Variants in CADPS observed in about 807,000 individuals in gnomAD.
CADPS encodes the protein calcium dependent secretion activator.
CADPS carries 57 observed loss-of-function variants against 167.3 expected under a neutral mutation model. That is an observed-to-expected ratio of 0.34 (90% CI 0.28 to 0.42). The LOEUF is 0.42. Among genes scored for constraint, CADPS ranks in the 20% least tolerant of loss-of-function variants. The pLI is 1.00. For synonymous variants in CADPS, 676 were observed against 635.3 expected (o/e 1.06, Z -0.96); for missense variants, 1,414 against 1,738.1 (o/e 0.81, Z 3.32).
intron 3 of CADPS, among the ~76,000 whole-genome samples, chr3:62,696,439 G>A (rs184513935): frequency 1.7e-4 from 26 of 152,034 alleles, no homozygotes; most frequent in Non-Finnish European, 7.4e-5. Flanking sequence ...TGCCTCAGAA[G>A]TCTGCATATT....
In CADPS at chr3:62,602,298, G is replaced by A. The variant is rs2060087882; in HGVS notation, c.1326-9550C>T. Reference sequence around the variant, plus strand: ...GTGGGGGGATGTCATTAGTTGCCATGGTGATGCTCAGCATAAGGCCATAAT... The same window carrying A: ...GTGGGGGGATGTCATTAGTTGCCATAGTGATGCTCAGCATAAGGCCATAAT... On this transcript the variant is annotated intron_variant, in intron 6 of 29. Transcript: ENST00000383710. The surrounding 1 kb of genome is among the most constrained non-coding windows in gnomAD (Gnocchi z 4.4). 6.6e-6 allele frequency among the ~76,000 whole-genome samples: 1 copy of A among 152,038 alleles called. No individual in the cohort carries two copies. Among genetic ancestry groups the A allele is most frequent in the Admixed American group, 6.6e-5 (1 of 15,248 alleles).
At chr3:62,422,694 T>C (rs2051708797) in intron 28 of CADPS, among the ~76,000 whole-genome samples, 1 of 152,218 alleles carries the variant, frequency 6.6e-6, no homozygotes, top group African/African-American at 2.4e-5. Flanking sequence ...CAACTCCATT[T>C]GTATTATGCA....
intron 7 of CADPS, among the ~76,000 whole-genome samples, chr3:62,592,379 T>C (rs1029725158): frequency 1.3e-5 from 2 of 152,132 alleles, no homozygotes; most frequent in African/African-American, 4.8e-5. Context: ...TTGGGTCTGA[T>C]AGTATTGAGA....
chr3:62,411,470 T>G (rs1244532019), intron 28 of CADPS, among the ~76,000 whole-genome samples: 1 of 152,234 alleles, frequency 6.6e-6, no homozygotes, highest in East Asian at 1.9e-4. Flanking sequence ...ACAACCTATT[T>G]CAATTGCTAT....
intron 1 of CADPS, among the ~76,000 whole-genome samples, chr3:62,784,078 G>A (rs536696904): frequency 2.6e-5 from 4 of 152,206 alleles, no homozygotes; most frequent in African/African-American, 9.6e-5. Flanking sequence ...ACATGATGAC[G>A]CTTATCTTAC....
At chr3:62,499,674 GATTA>G (rs1040450513) in intron 17 of CADPS, 9 of 154,734 alleles carry the variant, frequency 5.8e-5, no homozygotes, top group Admixed American at 4.5e-4. Flanking sequence ...TTGTTTTTTA[GATTA>G]GTTATTAAAT....
At chr3:62,645,979 A>T in intron 5 of CADPS, 136 bp from the exon 6 acceptor site, 1 of 911,806 alleles carries the variant, frequency 1.1e-6, no homozygotes, top group Non-Finnish European at 1.7e-6. Flanking sequence ...TGTACCAGTC[A>T]TGCTGGGACC....
chr3:62,538,188 C>G (rs1351967978), intron 11 of CADPS, among the ~76,000 whole-genome samples: 1 of 152,082 alleles, frequency 6.6e-6, no homozygotes, highest in Non-Finnish European at 1.5e-5. Context: ...AGGTTGGCTG[C>G]TTCATCTAGG....
rs1384953509 is a variant in CADPS at position 62,465,807 on chromosome 3, A to G, written c.3553-357T>C. Among the ~76,000 whole-genome samples the G allele has an allele frequency of 6.6e-6, 1 of 152,222 alleles. No individual in the cohort carries two copies. The highest frequency in any genetic ancestry group is 1.5e-5 in the Non-Finnish European group (1 of 68,034). On this transcript the variant is annotated intron_variant, in intron 25 of 29. Coordinates refer to ENST00000383710, the MANE Select transcript of CADPS (RefSeq NM_003716.4). This position sits in a 1 kb window ranked among gnomAD's most constrained non-coding sequence, Gnocchi z 4.1. ...ACATATTAGCACTACATTTAATCCA[A>G]TCTATTTTTATTTGTATTTTATCAG...
chr3:62,407,194 C>G (rs1394635389), intron 28 of CADPS, among the ~76,000 whole-genome samples: 1 of 152,142 alleles, frequency 6.6e-6, no homozygotes, highest in Non-Finnish European at 1.5e-5. Flanking sequence ...CTCCCTCTCT[C>G]AACCTAAAAG....
chr3:62,416,870 T>TC (rs2050162432), intron 28 of CADPS, among the ~76,000 whole-genome samples: 1 of 69,180 alleles, frequency 1.4e-5, no homozygotes, highest in Non-Finnish European at 4.3e-5. Flanking sequence ...ATTAATATAC[T>TC]TTTTTTTTTT....
intron 2 of CADPS, among the ~76,000 whole-genome samples, chr3:62,764,047 T>C (rs967949203): frequency 1.3e-5 from 2 of 152,192 alleles, no homozygotes; most frequent in African/African-American, 4.8e-5. Context: ...TTTTAATTTA[T>C]GCCATTAGTC....
At chr3:62,838,033 T>G (rs2153026111) in intron 1 of CADPS, among the ~76,000 whole-genome samples, 1 of 152,306 alleles carries the variant, frequency 6.6e-6, no homozygotes, top group South Asian at 2.1e-4. Context: ...AAAACAAATG[T>G]CATTCTCTGA....
intron 3 of CADPS, among the ~76,000 whole-genome samples, chr3:62,732,320 G>A (rs763378101): frequency 6.6e-6 from 1 of 152,204 alleles, no homozygotes; most frequent in African/African-American, 2.4e-5. Flanking sequence ...CTGTCAAGCT[G>A]GAAAGTGTCA....
chr3:62,494,545 C>T (rs1213928353), intron 18 of CADPS, among the ~76,000 whole-genome samples: 1 of 152,126 alleles, frequency 6.6e-6, no homozygotes, highest in Non-Finnish European at 1.5e-5. Flanking sequence ...TGAGTTGCCT[C>T]CCCAGATATA....
chr3:62,512,643 A>T (rs1426131281), intron 17 of CADPS, 108 bp downstream of exon 17: 1 of 724,558 alleles, frequency 1.4e-6, no homozygotes, highest in Non-Finnish European at 2.3e-6. Context: ...GCAACTCCAC[A>T]TGGCTCTCTG....
At chr3:62,443,293 C>T (rs1534723) in intron 27 of CADPS, among the ~76,000 whole-genome samples, 104,138 of 152,092 alleles carry the variant, frequency 0.68, 36,131 homozygotes, top group Middle Eastern at 0.77. Context: ...GTAAACTGTT[C>T]TAGTGAGTAC....
chr3:62,741,713 C>T (rs1320250526), intron 3 of CADPS, among the ~76,000 whole-genome samples: 2 of 152,132 alleles, frequency 1.3e-5, no homozygotes, highest in Admixed American at 6.5e-5. Context: ...AAAACCAGTA[C>T]AAGACAAGGA....
intron 1 of CADPS, among the ~76,000 whole-genome samples, chr3:62,855,245 T>C (rs2079455625): frequency 6.6e-6 from 1 of 151,832 alleles, no homozygotes; most frequent in African/African-American, 2.4e-5. Context: ...GTGCTTGGCC[T>C]AAAATGGATT....
Sources: gnomAD v4.1 joint callset for allele counts (sites outside exome capture counted in the v4.1 genomes callset) on GRCh38, gnomAD v4.1.1 for gene constraint, Gnocchi (gnomAD v3.1) non-coding constraint, MANE v1.5 for transcripts, NCBI Gene and HGNC (gene_info 2026-07-23, HGNC 2026-07-21) for gene names.